DROSHA: variants seen among roughly 807,000 people sequenced by gnomAD.
DROSHA encodes the protein ribonuclease 3.
Under a neutral mutation model 181.9 loss-of-function variants are expected in DROSHA, and 56 were observed. That is an observed-to-expected ratio of 0.31 (90% CI 0.25 to 0.38). The LOEUF (loss-of-function observed/expected upper bound fraction) is 0.38. Among genes scored for constraint, DROSHA ranks in the 10% least tolerant of loss-of-function variants. The pLI, the probability that DROSHA is intolerant of heterozygous loss-of-function variation, is 1.00. For synonymous variants in DROSHA, 524 were observed against 591.2 expected, an observed-to-expected ratio of 0.89 and a Z score of 1.65; for missense variants, 1,218 against 1,743.5, an observed-to-expected ratio of 0.70 and a Z score of 5.37.
intron 13 of DROSHA, among the ~76,000 whole-genome samples, chr5:31,490,241 T>TG (rs1752253574): frequency 1.3e-5 from 2 of 148,672 alleles, no homozygotes. Flanking sequence ...TGGAGTTCAG[T>TG]GGGGCAATCA....
chr5:31,449,038 CA>C (rs1189438665), intron 22 of DROSHA, among the ~76,000 whole-genome samples: 2 of 151,668 alleles, frequency 1.3e-5, no homozygotes, highest in Non-Finnish European at 2.9e-5. Flanking sequence ...GGGAGGCTAA[CA>C]CAGGAGAATC....
At chr5:31,443,338 G>A (rs1483601709) in intron 23 of DROSHA, among the ~76,000 whole-genome samples, 3 of 151,650 alleles carry the variant, frequency 2.0e-5, no homozygotes, top group Non-Finnish European at 4.4e-5. Context: ...TGCATTATAT[G>A]TAGCAATGAC....
chr5:31,465,015 G>C (rs1314204096), intron 19 of DROSHA, among the ~76,000 whole-genome samples: 2 of 150,316 alleles, frequency 1.3e-5, no homozygotes, highest in African/African-American at 4.9e-5. Flanking sequence ...TAGCACAAGA[G>C]GCCCATTAAA....
At chr5:31,523,349 T>C (rs1740122374) in intron 5 of DROSHA, among the ~76,000 whole-genome samples, 1 of 152,194 alleles carries the variant, frequency 6.6e-6, no homozygotes, top group African/African-American at 2.4e-5. Context: ...AGGAGTGTGG[T>C]TTAGGATAAA....
At chr5:31,463,322 T>C (rs1044033616) in intron 20 of DROSHA, among the ~76,000 whole-genome samples, 22 of 152,188 alleles carry the variant, frequency 1.4e-4, no homozygotes, top group Admixed American at 6.6e-4. Flanking sequence ...TGTGTAGCAA[T>C]ACTTTTAAAC....
At chr5:31,417,501 T>C (rs1230467394) in intron 30 of DROSHA, among the ~76,000 whole-genome samples, 3 of 152,124 alleles carry the variant, frequency 2.0e-5, no homozygotes, top group Non-Finnish European at 2.9e-5. Context: ...TTATAGCTAA[T>C]AATCTGGACT....
In DROSHA at chr5:31,514,399, G is replaced by A. The variant is rs1211323761; in HGVS notation, c.1290+589C>T. On this transcript the variant is annotated intron_variant, in intron 8 of 35. Coordinates refer to ENST00000344624, the MANE Select transcript of DROSHA (RefSeq NM_001382508.1). The surrounding 1 kb of genome is among the most constrained non-coding windows in gnomAD (Gnocchi z 4.4). ...CTCACACCTGTAATCCCAGCACTTTGGGAGGCCAAGGCAGGAGGATTGCTT... is the reference window on the plus strand; with the variant it reads ...CTCACACCTGTAATCCCAGCACTTTAGGAGGCCAAGGCAGGAGGATTGCTT... Among the ~76,000 whole-genome samples the A allele has an allele frequency of 2.0e-5, 3 of 152,106 alleles. No individual in the cohort carries two copies. The highest frequency in any genetic ancestry group is 7.2e-5 in the African/African-American group (3 of 41,434).
rs1464818570 is a variant in DROSHA, at chr5:31,526,494, G to A, written c.439C>T (p.Pro147Ser). The change falls in exon 5 of 36, where the codon CCC (proline) becomes TCC (serine). Residue 147 changes from proline to serine, a missense_variant. Pro to Ser is a moderately conservative substitution (Grantham distance 74). Coordinates refer to ENST00000344624, the MANE Select transcript of DROSHA (RefSeq NM_001382508.1). ...PGQGTFPFMM[P>S]PPSMPHPPPP... Reference sequence around the variant, plus strand: ...GGGGGATGAGGCATGGAGGGAGGGGGCATCATGAAGGGGAAAGTGCCTTGT... The same window carrying A: ...GGGGGATGAGGCATGGAGGGAGGGGACATCATGAAGGGGAAAGTGCCTTGT... The A allele has an allele frequency of 3.2e-6, 5 of 1,575,420 alleles. No homozygotes were observed. The highest frequency in any genetic ancestry group is 2.6e-6 in the Non-Finnish European group (3 of 1,154,146).
At chr5:31,462,222 C>T (rs763689422) in intron 20 of DROSHA, among the ~76,000 whole-genome samples, 5 of 152,042 alleles carry the variant, frequency 3.3e-5, no homozygotes, top group Non-Finnish European at 5.9e-5. Flanking sequence ...TCATAGGCAA[C>T]AATTTACATG....
chr5:31,439,176 G>C (rs549762063), intron 23 of DROSHA, among the ~76,000 whole-genome samples: 47 of 152,286 alleles, frequency 3.1e-4, no homozygotes, highest in Non-Finnish European at 4.4e-4. Flanking sequence ...CACTGTTTCA[G>C]TTACCCCTGG....
At position 31,405,673 on chromosome 5, in the gene DROSHA, T is replaced by C. The variant is rs1192000135; in HGVS notation, c.3994+4A>G. On this transcript the variant is annotated splice_donor_region_variant and intron_variant, in intron 35 of 35. Transcript: ENST00000344624. Reference sequence around the variant, plus strand: ...CATAATTATAGAAAAAAAAACAGGCTTACATTTTTCAAGCGCATCCATTGC... The same window carrying C: ...CATAATTATAGAAAAAAAAACAGGCCTACATTTTTCAAGCGCATCCATTGC... 2.6e-6 allele frequency: 4 copies of C among 1,557,580 alleles called. No homozygotes were observed. The highest frequency in any genetic ancestry group is 3.5e-6 in the Non-Finnish European group (4 of 1,152,626).
chr5:31,486,394 A>G, intron 14 of DROSHA, 97 bp downstream of exon 14: 1 of 1,249,416 alleles, frequency 8.0e-7, no homozygotes, highest in South Asian at 1.4e-5. Context: ...TATTCCTGGC[A>G]AAAGCCAGAT....
chr5:31,407,003 A>G, intron 33 of DROSHA, 58 bp from the exon 34 acceptor site: 1 of 1,462,176 alleles, frequency 6.8e-7, no homozygotes, highest in Non-Finnish European at 9.5e-7. Context: ...CATGGTTACT[A>G]TGTAACTATG....
Position 31,504,125 on chromosome 5 carries a change from G to A in DROSHA, c.1668+430C>T, listed in dbSNP as rs571097046. ...GGGTCCCTGATAAACCAAGGGCAGA[G>A]ACGCAGGTAAAATAGTCAATATATA... On this transcript the variant is annotated intron_variant, in intron 11 of 35. Transcript: ENST00000344624. 1.2e-4 allele frequency among the ~76,000 whole-genome samples: 19 copies of A among 152,288 alleles called. 1 individual carries two copies. In the East Asian group the frequency reaches 3.7e-3, roughly 29 times the overall value.
chr5:31,492,857 A>C (rs1210519947), intron 13 of DROSHA, among the ~76,000 whole-genome samples: 9 of 152,268 alleles, frequency 5.9e-5, no homozygotes, highest in African/African-American at 2.2e-4. Flanking sequence ...GAGACTAAAC[A>C]ATGGCTTCTC....
At chr5:31,456,497 C>CAG (rs1747684114) in intron 20 of DROSHA, among the ~76,000 whole-genome samples, 2 of 141,698 alleles carry the variant, frequency 1.4e-5, no homozygotes, top group Admixed American at 1.4e-4. Flanking sequence ...CACACACAGA[C>CAG]ACACACACAC....
chr5:31,466,454 G>C (rs981999880), intron 18 of DROSHA, 173 bp from the exon 19 acceptor site: 1 of 567,774 alleles, frequency 1.8e-6, no homozygotes, highest in Non-Finnish European at 3.1e-6. Flanking sequence ...CTGAGAGTCA[G>C]GATGGACAAG....
At chr5:31,417,173 G>T (rs763867506) in intron 30 of DROSHA, among the ~76,000 whole-genome samples, 1 of 152,156 alleles carries the variant, frequency 6.6e-6, no homozygotes, top group Non-Finnish European at 1.5e-5. Context: ...TGAAGGAGGT[G>T]AGCGATTTGG....
intron 12 of DROSHA, 133 bp from the exon 13 acceptor site, chr5:31,493,426 A>G: frequency 1.5e-6 from 1 of 655,378 alleles, no homozygotes; most frequent in Non-Finnish European, 2.3e-6. Flanking sequence ...AACTTTATAC[A>G]AAGTTTAATT....
Sources: gnomAD v4.1 joint callset for allele counts (sites outside exome capture counted in the v4.1 genomes callset) on GRCh38, gnomAD v4.1.1 for gene constraint, Gnocchi (gnomAD v3.1) non-coding constraint, MANE v1.5 for transcripts, NCBI Gene and HGNC (gene_info 2026-07-23, HGNC 2026-07-21) for gene names.